Variants in FSTL4 observed in about 807,000 individuals in gnomAD.
FSTL4 encodes follistatin-related protein 4.
FSTL4 carries 28 observed loss-of-function variants against 78.2 expected under a neutral mutation model. That is an observed-to-expected ratio of 0.36 (90% CI 0.27 to 0.49). The LOEUF is 0.49. Ranked by LOEUF, FSTL4 falls within the 20% of genes least tolerant of loss-of-function variation. FSTL4 has a pLI of 0.98. For missense variants in FSTL4, 922 were observed against 1,084.9 expected, an observed-to-expected ratio of 0.85 and a Z score of 2.11; for synonymous variants, 422 against 440.5, an observed-to-expected ratio of 0.96 and a Z score of 0.53.
chr5:133,600,413 T>C (rs1238198429), intron 2 of FSTL4, among the ~76,000 whole-genome samples: 2 of 111,192 alleles, frequency 1.8e-5, no homozygotes, highest in East Asian at 3.2e-4. Context: ...TGCATCTGTG[T>C]AGGATAAAGG....
Position 133,446,846 on chromosome 5 carries a change from T to C in FSTL4, c.161-45860A>G, listed in dbSNP as rs1327447253. 3.3e-5 allele frequency among the ~76,000 whole-genome samples: 5 copies of C among 152,146 alleles called. No homozygotes were observed. The East Asian group carries it at 7.7e-4, about 23-fold the overall frequency. ...CAGCTCTGTGGCTCCACTCATCCTG[T>C]CCCCTCTGTGGACCTCAGTCTCAGG... is the stretch of plus-strand genomic sequence containing the variant. On this transcript the variant is annotated intron_variant, in intron 3 of 15. Transcript: ENST00000265342.
At chr5:133,744,571 T>C in the FSTL4 span, among the ~76,000 whole-genome samples, 1 of 152,190 alleles carries the variant, frequency 6.6e-6, no homozygotes, top group African/African-American at 2.4e-5. Flanking sequence ...ACTCATCTCT[T>C]TGCTCCGGTG....
intron 3 of FSTL4, among the ~76,000 whole-genome samples, chr5:133,434,194 C>T (rs866839928): frequency 9.2e-5 from 14 of 151,894 alleles, no homozygotes; most frequent in South Asian, 8.3e-4. Context: ...GAGAAGCAGA[C>T]GAGACTCAAG....
intron 6 of FSTL4, among the ~76,000 whole-genome samples, chr5:133,290,353 C>G (rs535966571): frequency 3.9e-5 from 6 of 152,170 alleles, no homozygotes; most frequent in African/African-American, 1.4e-4. Flanking sequence ...CAGCACTGGG[C>G]GAATGAGGAA....
chr5:133,541,664 T>G (rs1328946185), intron 3 of FSTL4, among the ~76,000 whole-genome samples: 1 of 152,198 alleles, frequency 6.6e-6, no homozygotes, highest in Non-Finnish European at 1.5e-5. Flanking sequence ...AAGCTCAAAT[T>G]GTCCAGATGT....
At chr5:133,693,026 C>T in the FSTL4 span, among the ~76,000 whole-genome samples, 2 of 152,246 alleles carry the variant, frequency 1.3e-5, no homozygotes, top group Admixed American at 1.3e-4. Flanking sequence ...AGAACTACAA[C>T]AGTGCCTGGC....
chr5:133,380,417 C>T (rs1356616326), intron 4 of FSTL4, among the ~76,000 whole-genome samples: 2 of 151,822 alleles, frequency 1.3e-5, no homozygotes, highest in African/African-American at 2.4e-5. Flanking sequence ...CAAGTATATG[C>T]CAATAAATTA....
At chr5:133,558,553 T>C (rs1268760289) in intron 3 of FSTL4, among the ~76,000 whole-genome samples, 1 of 152,136 alleles carries the variant, frequency 6.6e-6, no homozygotes, top group East Asian at 1.9e-4. Context: ...CCATCCTACC[T>C]GCTCATTTCT....
chr5:133,595,189 AACTGAGTCAGGGTCCC>A (rs1380009753), intron 2 of FSTL4, among the ~76,000 whole-genome samples: 2 of 151,952 alleles, frequency 1.3e-5, no homozygotes, highest in Non-Finnish European at 2.9e-5. Context: ...AGGGGATGGC[AACTGAGTCAGGGTCCC>A]ACCTGTTCCT....
the FSTL4 span, among the ~76,000 whole-genome samples, chr5:133,631,053 A>G: frequency 6.6e-6 from 1 of 152,216 alleles, no homozygotes; most frequent in Non-Finnish European, 1.5e-5. Flanking sequence ...CCCTAGAAGC[A>G]AACCTAGGCG....
chr5:133,776,357 T>C, the FSTL4 span, among the ~76,000 whole-genome samples: 1 of 152,226 alleles, frequency 6.6e-6, no homozygotes, highest in Non-Finnish European at 1.5e-5. Context: ...GCCTCTCTCT[T>C]ATGGCTACAG....
chr5:133,778,922 G>A, the FSTL4 span, among the ~76,000 whole-genome samples: 1 of 152,134 alleles, frequency 6.6e-6, no homozygotes, highest in Non-Finnish European at 1.5e-5. Flanking sequence ...TAAATAGCTG[G>A]GACAACGTAC....
At chr5:133,659,750 A>C in the FSTL4 span, among the ~76,000 whole-genome samples, 1 of 151,888 alleles carries the variant, frequency 6.6e-6, no homozygotes, top group Non-Finnish European at 1.5e-5. Context: ...TTAAAAGTTA[A>C]ATATTTTATT....
In FSTL4 at chr5:133,361,042, C is replaced by A. The variant is rs917990091; in HGVS notation, c.409+39696G>T. On this transcript the variant is annotated intron_variant, in intron 4 of 15. Transcript: ENST00000265342. The surrounding 1 kb of genome is among the most constrained non-coding windows in gnomAD (Gnocchi z 4.3). ...TTCTCTTCTTGGAGTTTACAAACCT[C>A]GAAATTCTGCTCTGAGCAAGAAACC... 6.6e-6 allele frequency among the ~76,000 whole-genome samples: 1 copy of A among 152,130 alleles called. No individual in the cohort carries two copies. The highest frequency in any genetic ancestry group is 1.5e-5 in the Non-Finnish European group (1 of 68,024).
chr5:133,401,575 T>C (rs577036502), intron 3 of FSTL4, among the ~76,000 whole-genome samples: 1 of 152,338 alleles, frequency 6.6e-6, no homozygotes, highest in African/African-American at 2.4e-5. Context: ...GTCTCAAAGA[T>C]GAACAAGTCA....
chr5:133,829,602 T>G, the FSTL4 span, among the ~76,000 whole-genome samples: 1 of 152,134 alleles, frequency 6.6e-6, no homozygotes, highest in Non-Finnish European at 1.5e-5. Flanking sequence ...TTTCCTTGTG[T>G]TGTCAGGGGG....
At chr5:133,742,193 T>C in the FSTL4 span, among the ~76,000 whole-genome samples, 2 of 152,188 alleles carry the variant, frequency 1.3e-5, no homozygotes, top group Non-Finnish European at 2.9e-5. Context: ...ATCCTGATGG[T>C]TGGCCACATG....
intron 8 of FSTL4, among the ~76,000 whole-genome samples, chr5:133,231,306 C>T (rs545013170): frequency 1.2e-4 from 18 of 152,002 alleles, no homozygotes; most frequent in Non-Finnish European, 2.2e-4. Flanking sequence ...AGCTCCTACC[C>T]GTGCCAGAGC....
At chr5:133,753,728 T>TGTAC in the FSTL4 span, among the ~76,000 whole-genome samples, 293 of 24,516 alleles carry the variant, frequency 0.012, 2 homozygotes, top group African/African-American at 0.031. Context: ...TGTGTGTGTG[T>TGTAC]AGTGGCAGGG....
Sources: gnomAD v4.1 joint callset for allele counts (sites outside exome capture counted in the v4.1 genomes callset) on GRCh38, gnomAD v4.1.1 for gene constraint, Gnocchi (gnomAD v3.1) non-coding constraint, MANE v1.5 for transcripts, NCBI Gene and HGNC (gene_info 2026-07-23, HGNC 2026-07-21) for gene names.